Variants in ADH1C observed in about 807,000 individuals in gnomAD.
ADH1C encodes the protein alcohol dehydrogenase 1C (class I), gamma polypeptide, also known as alcohol dehydrogenase 1C.
In ADH1C, 26 loss-of-function variants were observed where a neutral mutation model predicts 35.0. That is an observed-to-expected ratio of 0.74 (90% CI 0.54 to 1.03). The LOEUF (loss-of-function observed/expected upper bound fraction) is 1.03, where lower values mean the gene tolerates loss of function less well. ADH1C is among the 50% of genes least tolerant of loss of function. The pLI, the probability that ADH1C is intolerant of heterozygous loss-of-function variation, is 0.00. For synonymous variants in ADH1C, 170 were observed against 169.3 expected (o/e 1.00, Z -0.03); for missense variants, 413 against 465.4 (o/e 0.89, Z 1.04).
At chr4:99,345,307 A>G in intron 3 of ADH1C, 41 bp from the exon 4 acceptor site, 1 of 1,557,846 alleles carries the variant, frequency 6.4e-7, no homozygotes, top group Admixed American at 1.8e-5. Context: ...ATTTCTATGC[A>G]GGAATTAATA....
Position 99,339,660 on chromosome 4 carries a change from C to T in ADH1C, c.1020G>A (p.Lys340=). The T allele has an allele frequency of 6.2e-7, 1 of 1,612,052 alleles. No individual in the cohort carries two copies. The highest frequency in any genetic ancestry group is 8.5e-7 in the Non-Finnish European group (1 of 1,179,140). ...TTGTTATTAATGCATCCAGTGAAAA[C>T]TTCTTAGCCATAAAGTCAGCCACAA... The part of the protein sequence containing the change: ...PKLVADFMAK[K]FSLDALITNI... Residue 340 remains lysine (K), a synonymous_variant, in exon 8 of 9, where the codon AAG becomes AAA. Transcript: ENST00000515683.
Position 99,336,648 on chromosome 4 carries a change from A to G in ADH1C, c.*104T>C, listed in dbSNP as rs926909829. ...AGCTCCCACGTGTAATTTATTTTTA[A>G]CATCTCTGAAGAGCAGAATTAATGA... On this transcript the variant is annotated 3_prime_UTR_variant, in exon 9 of 9. Coordinates refer to ENST00000515683, the MANE Select transcript of ADH1C (RefSeq NM_000669.5). The G allele has an allele frequency of 2.9e-6, 4 of 1,382,824 alleles. No individual in the cohort carries two copies. The highest frequency in any genetic ancestry group is 4.0e-6 in the Non-Finnish European group (4 of 988,242). The allele number at this position is 1,382,824 out of a possible 1,614,324, so 85.7% of individuals were successfully genotyped here. A position where few individuals can be genotyped will look rare whatever the true frequency, so the allele number is the denominator to read the frequency against.
intron 2 of ADH1C, 22 bp from the exon 3 acceptor site, chr4:99,347,166 T>C: frequency 6.2e-7 from 1 of 1,604,810 alleles, no homozygotes; most frequent in Non-Finnish European, 8.5e-7. Context: ...AGAGAAGATG[T>C]TTAGATTCAG....
At chr4:99,348,717 G>A (rs1419655395) in intron 1 of ADH1C, among the ~76,000 whole-genome samples, 1 of 151,174 alleles carries the variant, frequency 6.6e-6, no homozygotes, top group Non-Finnish European at 1.5e-5. Context: ...CTTCCACAAT[G>A]GTTGAACTAG....
rs1486008998 is a variant in ADH1C at position 99,339,559 on chromosome 4, A to G, written c.1103+18T>C. 5.2e-6 allele frequency: 8 copies of G among 1,551,956 alleles called. No homozygotes were observed. The highest frequency in any genetic ancestry group is 5.2e-6 in the Non-Finnish European group (6 of 1,149,006). On this transcript the variant is annotated intron_variant, in intron 8 of 8. Coordinates refer to ENST00000515683, the MANE Select transcript of ADH1C (RefSeq NM_000669.5). ...CTGTAGAATACAAAGCAAAACAAAA[A>G]AACAACTTAAAATCTACCTCTTTCC...
chr4:99,343,101 GAAATTGCT>G (rs776795864), intron 5 of ADH1C, 46 bp from the exon 6 acceptor site: 1 of 1,598,406 alleles, frequency 6.3e-7, no homozygotes, highest in Non-Finnish European at 8.5e-7. Flanking sequence ...ATGTTTGTTA[GAAATTGCT>G]TAAGCTTTAT....
intron 3 of ADH1C, 93 bp from the exon 4 acceptor site, chr4:99,345,359 T>C (rs1027005617): frequency 1.5e-5 from 20 of 1,290,890 alleles, no homozygotes; most frequent in Non-Finnish European, 2.1e-5. Flanking sequence ...TAGAATTATG[T>C]GTCTGAAAAG....
intron 3 of ADH1C, among the ~76,000 whole-genome samples, chr4:99,345,487 G>A (rs1222400944): frequency 6.6e-6 from 1 of 152,102 alleles, no homozygotes; most frequent in East Asian, 1.9e-4. Context: ...TACAAGTGTG[G>A]GAAACAAGAT....
In ADH1C at chr4:99,339,523, C is replaced by G. The variant is rs879100934; in HGVS notation, c.1103+54G>C. 60 of 1,210,994 alleles carry G rather than the reference C, an allele frequency of 5.0e-5. 2 individuals are homozygous for G. Among genetic ancestry groups the G allele is most frequent in the African/African-American group, 3.7e-4 (23 of 62,624 alleles). The allele number at this position is 1,210,994 out of a possible 1,614,324, so 75.0% of individuals were successfully genotyped here. On this transcript the variant is annotated intron_variant, in intron 8 of 8. Transcript: ENST00000515683. ...CTCTGCTAGACAACGCCCCCCCCCC[C>G]CCCGCCGCTACTGTAGAATACAAAG...
In ADH1C at chr4:99,344,928, C is replaced by T; in HGVS notation, c.501G>A (p.Leu167=). ...CACAGCCAATGAGGCAGACTTTCTC[C>T]AGGGGCGAGGCTGCATCAATTTTGG... ...AVAKIDAASP[L]EKVCLIGCGF... is the part of the protein sequence containing the mutation. Residue 167 remains leucine (L), a synonymous_variant, in exon 5 of 9, where the codon CTG becomes CTA. Coordinates refer to ENST00000515683, the MANE Select transcript of ADH1C (RefSeq NM_000669.5). The T allele has an allele frequency of 6.2e-7, 1 of 1,614,174 alleles. No individual in the cohort carries two copies. Among genetic ancestry groups the T allele is most frequent in the Non-Finnish European group, 8.5e-7 (1 of 1,180,042 alleles).
intron 1 of ADH1C, chr4:99,351,230 C>G (rs1161487701): frequency 6.6e-6 from 1 of 151,286 alleles, no homozygotes; most frequent in Non-Finnish European, 1.5e-5. Flanking sequence ...ACAATAATAA[C>G]AGTGGCTAAT....
chr4:99,338,274 G>A (rs1188957218), intron 8 of ADH1C, among the ~76,000 whole-genome samples: 2 of 149,430 alleles, frequency 1.3e-5, no homozygotes, highest in Non-Finnish European at 3.0e-5. Context: ...GCCTTCTTTT[G>A]TTGCTCAATA....
chr4:99,337,473 T>C (rs1406297173), intron 8 of ADH1C, among the ~76,000 whole-genome samples: 2 of 152,170 alleles, frequency 1.3e-5, no homozygotes, highest in Non-Finnish European at 2.9e-5. Flanking sequence ...GCTACTTCAT[T>C]CTTGTGAAGA....
intron 3 of ADH1C, 116 bp downstream of exon 3, chr4:99,346,890 C>A (rs1734541918): frequency 1.3e-5 from 19 of 1,500,280 alleles, no homozygotes; most frequent in Non-Finnish European, 1.7e-5. Context: ...GAAGTCCCAG[C>A]TTCCCTGTGA....
intron 2 of ADH1C, among the ~76,000 whole-genome samples, chr4:99,347,427 AAAG>A (rs1356384525): frequency 5.9e-5 from 9 of 152,328 alleles, no homozygotes; most frequent in African/African-American, 1.4e-4. Context: ...GTTAAAAGAA[AAAG>A]AAGTAGAAAT....
rs1294215347 is a variant in ADH1C, at chr4:99,344,931, G to A, written c.498C>T (p.Pro166=). 1 of 1,614,026 alleles carries A rather than the reference G, an allele frequency of 6.2e-7. No individual in the cohort carries two copies. Among genetic ancestry groups the A allele is most frequent in the African/African-American group, 1.3e-5 (1 of 74,910 alleles). Residue 166 remains proline (P), a synonymous_variant, in exon 5 of 9, where the codon CCC becomes CCT. Transcript: ENST00000515683. ...NAVAKIDAAS[P]LEKVCLIGCG... ...AGCCAATGAGGCAGACTTTCTCCAG[G>A]GGCGAGGCTGCATCAATTTTGGCCA...
intron 1 of ADH1C, among the ~76,000 whole-genome samples, chr4:99,349,331 C>A (rs533061431): frequency 6.6e-6 from 1 of 151,854 alleles, no homozygotes; most frequent in Non-Finnish European, 1.5e-5. Context: ...GATCCAGTTT[C>A]AGCTTTCTAC....
intron 8 of ADH1C, 51 bp downstream of exon 8, chr4:99,339,526 C>A (rs75782112): frequency 4.1e-6 from 5 of 1,218,882 alleles, no homozygotes; most frequent in South Asian, 1.6e-5. Flanking sequence ...CCCCCCCCCC[C>A]GCCGCTACTG....
intron 1 of ADH1C, among the ~76,000 whole-genome samples, chr4:99,350,436 T>C (rs1439863948): frequency 6.6e-6 from 1 of 152,180 alleles, no homozygotes; most frequent in African/African-American, 2.4e-5. Context: ...TATATCATTC[T>C]TATGCCTTTG....
Sources: gnomAD v4.1 joint callset for allele counts (sites outside exome capture counted in the v4.1 genomes callset) on GRCh38, gnomAD v4.1.1 for gene constraint, MANE v1.5 for transcripts, NCBI Gene and HGNC (gene_info 2026-07-23, HGNC 2026-07-21) for gene names.